The following BICC1 variants were observed in gnomAD, a reference collection of about 807,000 sequenced individuals.
BICC1 encodes the protein BicC family RNA binding protein 1, also known as protein bicaudal C homolog 1.
A neutral mutation model predicts 111.0 loss-of-function variants in BICC1; 43 were observed. The observed-to-expected ratio is 0.39, with a 90% confidence interval of 0.30 to 0.50. The LOEUF is 0.50. Ranked by LOEUF, BICC1 falls within the 20% of genes least tolerant of loss-of-function variation. BICC1 has a pLI of 0.88. For synonymous variants in BICC1, 467 were observed against 434.4 expected, an observed-to-expected ratio of 1.07 and a Z score of -0.93; for missense variants, 1,091 against 1,203.2, an observed-to-expected ratio of 0.91 and a Z score of 1.38.
Position 58,795,192 on chromosome 10 carries a change from T to C in BICC1, c.1180-1148T>C, listed in dbSNP as rs185927925. Among the ~76,000 whole-genome samples the C allele has an allele frequency of 2.6e-3, 401 of 152,268 alleles. 3 individuals are homozygous for C. The highest frequency in any genetic ancestry group is 9.1e-3 in the African/African-American group (379 of 41,562). On this transcript the variant is annotated intron_variant, in intron 9 of 20. Coordinates refer to ENST00000373886, the MANE Select transcript of BICC1 (RefSeq NM_001080512.3). The stretch of plus-strand genomic sequence containing the variant: ...AACTATAAATCTTATATGCATAGAA[T>C]GGTGTATATATAATATGTATTTTAT...
chr10:58,659,774 A>G (rs1391633142), intron 2 of BICC1, among the ~76,000 whole-genome samples: 2 of 152,224 alleles, frequency 1.3e-5, no homozygotes, highest in African/African-American at 2.4e-5. Flanking sequence ...TGATAAAAGT[A>G]GAAGCCCAGA....
chr10:58,786,066 G>A (rs1331319833), intron 4 of BICC1, among the ~76,000 whole-genome samples: 2 of 152,032 alleles, frequency 1.3e-5, no homozygotes, highest in African/African-American at 4.8e-5. Context: ...TATATTTAAT[G>A]GGCATAAATT....
At chr10:58,588,908 TAG>T (rs1329892732) in intron 1 of BICC1, among the ~76,000 whole-genome samples, 1 of 152,230 alleles carries the variant, frequency 6.6e-6, no homozygotes, top group African/African-American at 2.4e-5. Context: ...AAGCACCAGG[TAG>T]AGTGACCAGC....
At chr10:58,728,150 ACT>A (rs1215442554) in intron 3 of BICC1, among the ~76,000 whole-genome samples, 1 of 151,926 alleles carries the variant, frequency 6.6e-6, no homozygotes, top group Non-Finnish European at 1.5e-5. Flanking sequence ...CCATCAATGG[ACT>A]CTTCCTTCCA....
At chr10:58,824,215 G>T (rs559084318) in intron 20 of BICC1, 96 of 476,734 alleles carry the variant, frequency 2.0e-4, no homozygotes, top group African/African-American at 2.0e-3. Context: ...AGCATGTGAG[G>T]TTTCACCTCT....
At chr10:58,687,812 T>C (rs1839785887) in intron 2 of BICC1, among the ~76,000 whole-genome samples, 1 of 152,206 alleles carries the variant, frequency 6.6e-6, no homozygotes, top group African/African-American at 2.4e-5. Context: ...TGATCCTTTG[T>C]GCTTCCTGGG....
intron 2 of BICC1, among the ~76,000 whole-genome samples, chr10:58,668,718 C>T (rs1588996541): frequency 6.6e-6 from 1 of 152,144 alleles, no homozygotes; most frequent in East Asian, 1.9e-4. Flanking sequence ...TAGGAACTTG[C>T]AAAGCCAGAT....
intron 1 of BICC1, among the ~76,000 whole-genome samples, chr10:58,546,844 T>C (rs1275476430): frequency 6.6e-6 from 1 of 152,194 alleles, no homozygotes; most frequent in African/African-American, 2.4e-5. Context: ...TTCAAAAAAA[T>C]TTAAAAATTA....
At chr10:58,697,337 T>C (rs1024254693) in intron 2 of BICC1, among the ~76,000 whole-genome samples, 2 of 152,196 alleles carry the variant, frequency 1.3e-5, no homozygotes, top group African/African-American at 4.8e-5. Context: ...TAAAATTATC[T>C]CTTTATTTCC....
chr10:58,531,223 T>C (rs533233484), intron 1 of BICC1, among the ~76,000 whole-genome samples: 1 of 151,936 alleles, frequency 6.6e-6, no homozygotes, highest in East Asian at 2.0e-4. Context: ...GCCTGGGGAC[T>C]GCTGAGAACA....
intron 2 of BICC1, among the ~76,000 whole-genome samples, chr10:58,630,414 G>T (rs1837756741): frequency 6.6e-6 from 1 of 152,072 alleles, no homozygotes; most frequent in African/African-American, 2.4e-5. Context: ...TGCATCTCAG[G>T]TTCTTTTCCT....
chr10:58,555,306 A>C (rs796887911), intron 1 of BICC1, among the ~76,000 whole-genome samples: 2 of 102,536 alleles, frequency 2.0e-5, no homozygotes, highest in African/African-American at 7.8e-5. Context: ...GCTGTTGGAC[A>C]TTTTTTTTTT....
At chr10:58,713,303 C>CT (rs1221318044) in intron 3 of BICC1, among the ~76,000 whole-genome samples, 1 of 152,122 alleles carries the variant, frequency 6.6e-6, no homozygotes, top group African/African-American at 2.4e-5. Context: ...TTTATGTCCT[C>CT]TTGCCTGTGG....
chr10:58,743,106 G>A (rs976370698), intron 3 of BICC1, among the ~76,000 whole-genome samples: 1 of 152,152 alleles, frequency 6.6e-6, no homozygotes, highest in Non-Finnish European at 1.5e-5. Flanking sequence ...GGCTCAAAAG[G>A]CATTCGGGTG....
intron 14 of BICC1, 101 bp downstream of exon 14, chr10:58,801,147 C>A: frequency 2.9e-6 from 3 of 1,037,358 alleles, no homozygotes; most frequent in Non-Finnish European, 3.9e-6. Context: ...CATGTTTGAT[C>A]TCATCCATGG....
At chr10:58,527,251 G>T (rs1401049522) in intron 1 of BICC1, among the ~76,000 whole-genome samples, 64 of 152,076 alleles carry the variant, frequency 4.2e-4, no homozygotes, top group African/African-American at 1.5e-3. Flanking sequence ...TCATATGCTT[G>T]GCCCACTTTT....
intron 1 of BICC1, among the ~76,000 whole-genome samples, chr10:58,532,141 CA>C (rs1486890520): frequency 6.6e-6 from 1 of 151,576 alleles, no homozygotes; most frequent in African/African-American, 2.4e-5. Context: ...GTCAACTTTC[CA>C]AAAACAAAAA....
intron 3 of BICC1, among the ~76,000 whole-genome samples, chr10:58,770,869 T>C (rs1200259307): frequency 1.3e-5 from 2 of 152,190 alleles, no homozygotes; most frequent in Non-Finnish European, 2.9e-5. Flanking sequence ...TGGGCTCTGC[T>C]AATCAGAAAA....
intron 1 of BICC1, among the ~76,000 whole-genome samples, chr10:58,567,033 C>T (rs79065499): frequency 0.031 from 4,709 of 152,164 alleles, 232 homozygotes; most frequent in African/African-American, 0.11. Flanking sequence ...ACTGATTGTA[C>T]TCTGGTAATA....
Sources: allele counts gnomAD v4.1 joint callset (sites outside exome capture counted in the v4.1 genomes callset), GRCh38; gene constraint gnomAD v4.1.1; transcripts MANE v1.5; gene names NCBI Gene and HGNC (gene_info 2026-07-23, HGNC 2026-07-21).